GJA9: variants seen among roughly 807,000 people sequenced by gnomAD.
GJA9 encodes the protein gap junction alpha-9 protein.
Under a neutral mutation model 0.4 loss-of-function variants are expected in GJA9, and 1 was observed. That is an observed-to-expected ratio of 2.50 (90% CI 0.89 to 11.88). The LOEUF (loss-of-function observed/expected upper bound fraction) is 11.88. Among genes scored for constraint, GJA9 ranks in the 30% most tolerant of loss-of-function variants. The pLI is 0.12. For synonymous variants in GJA9, 190 were observed against 219.1 expected (o/e 0.87, Z 1.17); for missense variants, 550 against 602.8 (o/e 0.91, Z 0.92).
Position 38,875,382 on chromosome 1 carries a change from T to A in GJA9, c.717A>T (p.Lys239Asn). The change falls in exon 2 of 2, where the codon AAA (lysine) becomes AAT (asparagine). Residue 239 changes from lysine (K) to asparagine (N), a missense_variant. Lys to Asn is a moderately conservative substitution (Grantham distance 94). Coordinates refer to ENST00000357771, the MANE Select transcript of GJA9 (RefSeq NM_030772.5). The stretch of plus-strand genomic sequence containing the variant: ...ACTTGTATTTTCCCCAAAGCCCTCT[T>A]TTAATCTTTTTAAAACCTAGGTGGA... Reference protein sequence around the residue: ...EIFHLGFKKIKRGLWGKYKLK... With the variant: ...EIFHLGFKKINRGLWGKYKLK... The A allele has an allele frequency of 6.2e-7, 1 of 1,613,878 alleles. No individual in the cohort carries two copies. Among genetic ancestry groups the A allele is most frequent in the Non-Finnish European group, 8.5e-7 (1 of 1,179,982 alleles).
Position 38,875,273 on chromosome 1 carries a change from T to C in GJA9, c.826A>G (p.Lys276Glu). 1 of 1,614,206 alleles carries C rather than the reference T, an allele frequency of 6.2e-7. No homozygotes were observed. Among genetic ancestry groups the C allele is most frequent in the Non-Finnish European group, 8.5e-7 (1 of 1,180,032 alleles). ...KYQSTSANSL[K>E]RLPSAPDYNL... ...TAATCAGGGGCAGAAGGGAGTCGCT[T>C]CAGTGAATTTGCAGATGTGCTCTGG... Residue 276 changes from lysine (K) to glutamate (E), a missense_variant, in exon 2 of 2, where the codon AAG becomes GAG. Physicochemically the swap from Lys to Glu is moderately conservative, Grantham distance 56 (BLOSUM62 1). Coordinates refer to ENST00000357771, the MANE Select transcript of GJA9 (RefSeq NM_030772.5).
chr1:38,875,356 A>G lies in GJA9; in HGVS notation c.743T>C (p.Leu248Ser), dbSNP rs754920331. The G allele has an allele frequency of 6.2e-7, 1 of 1,614,196 alleles. No homozygotes were observed. Among genetic ancestry groups the G allele is most frequent in the Non-Finnish European group, 8.5e-7 (1 of 1,180,032 alleles). Residue 248 changes from leucine (L) to serine (S), a missense_variant, in exon 2 of 2, where the codon TTG becomes TCG. Coordinates refer to ENST00000357771, the MANE Select transcript of GJA9 (RefSeq NM_030772.5). The part of the protein sequence containing the change: ...IKRGLWGKYK[L>S]KKEHNEFHAN... ...ATGGAATTCATTATGTTCCTTCTTC[A>G]ACTTGTATTTTCCCCAAAGCCCTCT...
At position 38,875,448 on chromosome 1, in the gene GJA9, A is replaced by G. The variant is rs1409136140; in HGVS notation, c.651T>C (p.Ser217=). ...TTAAGAAAAGTGAAATAGTGGCTATAGATTGCATAAATAATAGGAATATTG... is the reference window on the plus strand; with the variant it reads ...TTAAGAAAAGTGAAATAGTGGCTATGGATTGCATAAATAATAGGAATATTG... ...EKTIFLLFMQ[S]IATISLFLNI... is the part of the protein sequence containing the mutation. Residue 217 remains serine, a synonymous_variant, in exon 2 of 2, where the codon TCT becomes TCC. Coordinates refer to ENST00000357771, the MANE Select transcript of GJA9 (RefSeq NM_030772.5). 1.2e-6 allele frequency: 2 copies of G among 1,614,022 alleles called. No individual in the cohort carries two copies. Among genetic ancestry groups the G allele is most frequent in the African/African-American group, 2.7e-5 (2 of 74,938 alleles).
Position 38,874,507 on chromosome 1 carries a change from T to G in GJA9, c.*44A>C. ...TTTCTGTGCCCCACGACCACTAGGC[T>G]ACTTCTCTGATAATATATATAATGT... On this transcript the variant is annotated 3_prime_UTR_variant, in exon 2 of 2. Transcript: ENST00000357771. 6.8e-7 allele frequency: 1 copy of G among 1,476,084 alleles called. No individual in the cohort carries two copies. The highest frequency in any genetic ancestry group is 9.3e-7 in the Non-Finnish European group (1 of 1,070,384). 91.4% of individuals were successfully genotyped at this position (1,476,084 alleles called of 1,614,324 possible).
intron 1 of GJA9, among the ~76,000 whole-genome samples, chr1:38,878,360 GC>G (rs1259474152): frequency 6.6e-6 from 1 of 150,870 alleles, no homozygotes; most frequent in Non-Finnish European, 1.5e-5. Context: ...ACCGCGCCCA[GC>G]CCAAATTTTG....
rs1187213742 is a variant in GJA9 at position 38,875,919 on chromosome 1, G to A, written c.180C>T (p.Gly60=). 6.2e-7 allele frequency: 1 copy of A among 1,614,112 alleles called. No individual in the cohort carries two copies. Among genetic ancestry groups the A allele is most frequent in the Admixed American group, 1.7e-5 (1 of 60,008 alleles). ...SGFICNTEQP[G]CRNVCYDQAF... is the part of the protein sequence containing the mutation. Reference sequence around the variant, plus strand: ...CCTGGTCGTAGCATACATTTCTGCAGCCTGGTTGTTCTGTATTGCAGATGA... The same window carrying A: ...CCTGGTCGTAGCATACATTTCTGCAACCTGGTTGTTCTGTATTGCAGATGA... Residue 60 remains glycine, a synonymous_variant, in exon 2 of 2, where the codon GGC becomes GGT. Transcript: ENST00000357771.
intron 1 of GJA9, 88 bp from the exon 2 acceptor site, chr1:38,876,281 G>A (rs1161520452): frequency 3.2e-6 from 2 of 616,374 alleles, no homozygotes; most frequent in Admixed American, 3.1e-5. Context: ...TTCTTTGTTT[G>A]TTTGTTTGTT....
Position 38,876,000 on chromosome 1 carries a change from T to G in GJA9, c.99A>C (p.Arg33=). 1 of 1,614,198 alleles carries G rather than the reference T, an allele frequency of 6.2e-7. No individual in the cohort carries two copies. The highest frequency in any genetic ancestry group is 8.5e-7 in the Non-Finnish European group (1 of 1,180,042). The change falls in exon 2 of 2, where the codon CGA becomes CGC. Residue 33 remains arginine, a synonymous_variant. Coordinates refer to ENST00000357771, the MANE Select transcript of GJA9 (RefSeq NM_030772.5). Reference sequence around the variant, plus strand: ...CAGCTGCTACACCCAGAACAAGCATTCGAAATATGAACAGGATGGTGAGCC... The same window carrying G: ...CAGCTGCTACACCCAGAACAAGCATGCGAAATATGAACAGGATGGTGAGCC... ...KIWLTILFIF[R]MLVLGVAAED...
intron 1 of GJA9, among the ~76,000 whole-genome samples, chr1:38,879,869 A>G (rs554468413): frequency 1.3e-5 from 2 of 152,046 alleles, no homozygotes; most frequent in African/African-American, 4.8e-5. Context: ...CTGGGACTAC[A>G]GGCGCCTGCC....
chr1:38,876,494 T>C (rs1642590047), intron 1 of GJA9: 2 of 168,310 alleles, frequency 1.2e-5, no homozygotes, highest in Non-Finnish European at 2.6e-5. Context: ...CTGCAGCTAG[T>C]CTTAAACTCC....
chr1:38,874,375 A>G lies in GJA9; in HGVS notation c.*176T>C. 1 of 559,574 alleles carries G rather than the reference A, an allele frequency of 1.8e-6. No homozygotes were observed. The highest frequency in any genetic ancestry group is 3.1e-6 in the Non-Finnish European group (1 of 319,334). 34.7% of individuals were successfully genotyped at this position (559,574 alleles called of 1,614,324 possible). On this transcript the variant is annotated 3_prime_UTR_variant, in exon 2 of 2. Coordinates refer to ENST00000357771, the MANE Select transcript of GJA9 (RefSeq NM_030772.5). Reference sequence around the variant, plus strand: ...TTGACAACTCTATGTCTTTGAATTTAGAAGTGTTGCTTCACAATCTCGAAT... The same window carrying G: ...TTGACAACTCTATGTCTTTGAATTTGGAAGTGTTGCTTCACAATCTCGAAT...
chr1:38,880,788 T>TA (rs919144067), intron 1 of GJA9, among the ~76,000 whole-genome samples: 14 of 148,900 alleles, frequency 9.4e-5, no homozygotes, highest in African/African-American at 3.0e-4. Context: ...TCTCAAAAAA[T>TA]AAAAAAAAAG....
Position 38,875,868 on chromosome 1 carries a change from G to GT in GJA9, c.230dup (p.Tyr77Ter). ...DQAFPISLIR[Y>*]WVLQVIFVSS... ...ACACAAATATCACCTGCAGAACCCA[G>GT]TATCTAATGAGGGAGATAGGAAAGG... The change falls in exon 2 of 2, where the codon TAC (tyrosine) becomes TAAC (stop). Residue 77 changes from tyrosine to a stop codon, truncating the protein, a stop_gained and frameshift_variant. Coordinates refer to ENST00000357771, the MANE Select transcript of GJA9 (RefSeq NM_030772.5). LOFTEE classifies it low-confidence loss of function (END_TRUNC). 7 of 1,614,186 alleles carry GT rather than the reference G, an allele frequency of 4.3e-6. No individual in the cohort carries two copies. The highest frequency in any genetic ancestry group is 5.1e-6 in the Non-Finnish European group (6 of 1,180,028).
Position 38,874,447 on chromosome 1 carries a change from T to A in GJA9, c.*104A>T, listed in dbSNP as rs1473116498. ...TAAATGAGTTTGCAGTTGTCTGTCTTAACAGCTGGTCTTTAGAGCTGCCCC... is the reference window on the plus strand; with the variant it reads ...TAAATGAGTTTGCAGTTGTCTGTCTAAACAGCTGGTCTTTAGAGCTGCCCC... On this transcript the variant is annotated 3_prime_UTR_variant, in exon 2 of 2. Transcript: ENST00000357771. The A allele has an allele frequency of 7.2e-6, 6 of 830,100 alleles. No individual in the cohort carries two copies. 51.4% of individuals were successfully genotyped at this position (830,100 alleles called of 1,614,324 possible).
At chr1:38,876,743 A>G (rs1438906268) in intron 1 of GJA9, among the ~76,000 whole-genome samples, 1 of 152,120 alleles carries the variant, frequency 6.6e-6, no homozygotes, top group Non-Finnish European at 1.5e-5. Flanking sequence ...CTGTAATCCC[A>G]ACACTTTGGG....
At position 38,874,317 on chromosome 1, in the gene GJA9, A is replaced by C; in HGVS notation, c.*234T>G. On this transcript the variant is annotated 3_prime_UTR_variant, in exon 2 of 2. Transcript: ENST00000357771. ...TTTTCCCAAAATCAGTTACATTCGA[A>C]AGGATATCATTTAAAAAAAAAAAAA... The C allele has an allele frequency of 2.2e-6, 1 of 453,188 alleles. No individual in the cohort carries two copies. The highest frequency in any genetic ancestry group is 3.8e-6 in the Non-Finnish European group (1 of 263,478). The allele number at this position is 453,188 out of a possible 1,614,324, so 28.1% of individuals were successfully genotyped here. A position where few individuals can be genotyped will look rare whatever the true frequency, so the allele number is the denominator to read the frequency against.
chr1:38,876,298 G>C (rs1642586786), intron 1 of GJA9, 105 bp from the exon 2 acceptor site: 1 of 598,776 alleles, frequency 1.7e-6, no homozygotes, highest in Non-Finnish European at 3.0e-6. Flanking sequence ...TGTTGAGACA[G>C]AGTCTCCCTC....
chr1:38,878,548 G>C (rs1642633028), intron 1 of GJA9, among the ~76,000 whole-genome samples: 1 of 150,376 alleles, frequency 6.6e-6, no homozygotes, highest in Non-Finnish European at 1.5e-5. Context: ...GTGGTGGCAG[G>C]CATCTGTAAC....
Position 38,874,796 on chromosome 1 carries a change from G to C in GJA9, c.1303C>G (p.Arg435Gly), listed in dbSNP as rs1305437752. ...AGGTTACCTTTAGGAGGTGACCCCC[G>C]GTTTTCATGTTCTGTAGAGGAACCC... Reference protein sequence around the residue: ...TWGSSTEHENRGSPPKGNLKG... With the variant: ...TWGSSTEHENGGSPPKGNLKG... The change falls in exon 2 of 2, where the codon CGG (arginine) becomes GGG (glycine). Residue 435 changes from arginine (R) to glycine (G), a missense_variant. Physicochemically the swap from Arg to Gly is moderately radical, Grantham distance 125. Transcript: ENST00000357771. 3 of 1,614,030 alleles carry C rather than the reference G, an allele frequency of 1.9e-6. No individual in the cohort carries two copies. The highest frequency in any genetic ancestry group is 2.5e-6 in the Non-Finnish European group (3 of 1,180,024).
Sources: gnomAD v4.1 joint callset for allele counts (sites outside exome capture counted in the v4.1 genomes callset) on GRCh38, gnomAD v4.1.1 for gene constraint, MANE v1.5 for transcripts, NCBI Gene and HGNC (gene_info 2026-07-23, HGNC 2026-07-21) for gene names.